Variants in ADCY8 observed in about 807,000 individuals in gnomAD.
ADCY8 encodes adenylate cyclase 8, also known as adenylate cyclase type 8.
In ADCY8, 51 loss-of-function variants were observed where a neutral mutation model predicts 119.7. The ratio of observed to expected loss-of-function variants is 0.43; its 90% CI spans 0.34 to 0.54. The LOEUF (loss-of-function observed/expected upper bound fraction) is 0.54. Among genes scored for constraint, ADCY8 ranks in the 20% least tolerant of loss-of-function variants. ADCY8 has a pLI of 0.03. For synonymous variants in ADCY8, 665 were observed against 651.0 expected, an observed-to-expected ratio of 1.02 and a Z score of -0.33; for missense variants, 1,383 against 1,598.8, an observed-to-expected ratio of 0.87 and a Z score of 2.30.
intron 17 of ADCY8, among the ~76,000 whole-genome samples, chr8:130,783,402 T>C (rs918806505): frequency 2.0e-5 from 3 of 152,236 alleles, no homozygotes; most frequent in Middle Eastern, 3.2e-3. Flanking sequence ...CGACCTTGCA[T>C]GGGCAGGCAA....
chr8:131,010,319 A>G (rs952757846), intron 1 of ADCY8, among the ~76,000 whole-genome samples: 8 of 152,240 alleles, frequency 5.3e-5, no homozygotes, highest in African/African-American at 1.9e-4. Context: ...GATCATGTGC[A>G]TAATAAAATC....
intron 8 of ADCY8, among the ~76,000 whole-genome samples, chr8:130,881,157 C>T (rs983256083): frequency 1.3e-5 from 2 of 152,132 alleles, no homozygotes; most frequent in Non-Finnish European, 2.9e-5. Context: ...TCTTAGAGTT[C>T]ACAAAAAATA....
chr8:130,849,792 A>T lies in ADCY8; in HGVS notation c.2222T>A (p.Met741Lys). 6.2e-7 allele frequency: 1 copy of T among 1,612,700 alleles called. No individual in the cohort carries two copies. Among genetic ancestry groups the T allele is most frequent in the Non-Finnish European group, 8.5e-7 (1 of 1,179,366 alleles). The change falls in exon 10 of 18, where the codon ATG (methionine) becomes AAG (lysine). Residue 741 changes from methionine (M) to lysine (K), a missense_variant. Met to Lys is a moderately conservative substitution (Grantham distance 95). This residue lies in a region of ADCY8 where 928 missense variants were observed against 1,163.5 expected (regional missense o/e 0.80). Transcript: ENST00000286355. ...SLLPSSRVMPMTIQFSILIML... is the reference protein window; with the variant it reads ...SLLPSSRVMPKTIQFSILIML... ...AATCAGAATGGAGAACTGGATGGTC[A>T]TTGGCATCACTCTGCAGGGAAACAC...
At chr8:130,951,779 A>G in intron 3 of ADCY8, 89 bp downstream of exon 3, 1 of 1,519,010 alleles carries the variant, frequency 6.6e-7, no homozygotes. Context: ...GCTGACATTC[A>G]AGCAGACGGA....
At chr8:130,860,355 G>A (rs1392530814) in intron 9 of ADCY8, among the ~76,000 whole-genome samples, 1 of 152,122 alleles carries the variant, frequency 6.6e-6, no homozygotes, top group Non-Finnish European at 1.5e-5. Flanking sequence ...TGTGGTTTGT[G>A]TTTTCATTCT....
At chr8:130,871,977 CAT>C (rs1818377799) in intron 8 of ADCY8, among the ~76,000 whole-genome samples, 1 of 151,992 alleles carries the variant, frequency 6.6e-6, no homozygotes, top group African/African-American at 2.4e-5. Context: ...CACACACACA[CAT>C]ATGTATATAG....
At chr8:130,999,035 A>G (rs1202405992) in intron 1 of ADCY8, among the ~76,000 whole-genome samples, 1 of 152,142 alleles carries the variant, frequency 6.6e-6, no homozygotes, top group Non-Finnish European at 1.5e-5. Context: ...ATGATCACGT[A>G]TAACCCTGAA....
chr8:131,016,139 G>A (rs1273554078), intron 1 of ADCY8, among the ~76,000 whole-genome samples: 1 of 152,060 alleles, frequency 6.6e-6, no homozygotes, highest in Non-Finnish European at 1.5e-5. Flanking sequence ...AGTGATAGAA[G>A]GTAAAAAGTA....
rs1821465932 is a variant in ADCY8, at chr8:130,957,495, C to T, written c.1111-5497G>A. Among the ~76,000 whole-genome samples the T allele has an allele frequency of 2.0e-5, 3 of 152,136 alleles. No homozygotes were observed. The South Asian group carries it at 6.2e-4, about 32-fold the overall frequency. On this transcript the variant is annotated intron_variant, in intron 2 of 17. Transcript: ENST00000286355. ...TGACGATGTGATAGAAAAGAAAAAA[C>T]AATTTTCTGAGGAGAAATTCAAGCT...
At chr8:130,992,796 G>A (rs1220470847) in intron 1 of ADCY8, among the ~76,000 whole-genome samples, 4 of 149,704 alleles carry the variant, frequency 2.7e-5, no homozygotes, top group Non-Finnish European at 5.9e-5. Context: ...ACATATAATT[G>A]GATTCTCAGA....
At chr8:130,855,355 A>G (rs112425947) in intron 9 of ADCY8, among the ~76,000 whole-genome samples, 2,108 of 152,222 alleles carry the variant, frequency 0.014, 62 homozygotes, top group African/African-American at 0.046. Flanking sequence ...TGGGCTACCC[A>G]ATTCCCACAG....
chr8:130,995,474 T>C (rs900782116), intron 1 of ADCY8, among the ~76,000 whole-genome samples: 5 of 152,164 alleles, frequency 3.3e-5, no homozygotes, highest in Non-Finnish European at 2.9e-5. Flanking sequence ...ATTGTTAAAA[T>C]AGTAAAATGA....
chr8:131,021,911 T>G (rs1174574498), intron 1 of ADCY8, among the ~76,000 whole-genome samples: 1 of 152,174 alleles, frequency 6.6e-6, no homozygotes, highest in African/African-American at 2.4e-5. Flanking sequence ...CTCAAATGGC[T>G]TATCATTTTC....
chr8:130,800,195 C>A (rs2130110263), intron 15 of ADCY8, among the ~76,000 whole-genome samples: 1 of 152,258 alleles, frequency 6.6e-6, no homozygotes, highest in Admixed American at 6.5e-5. Context: ...GGTTATGTTA[C>A]TTAGCCTCCC....
intron 5 of ADCY8, among the ~76,000 whole-genome samples, chr8:130,911,313 C>T (rs1230153670): frequency 1.3e-5 from 2 of 152,126 alleles, no homozygotes; most frequent in East Asian, 1.9e-4. Context: ...TAGAGCTGCA[C>T]ATTTACTAAT....
intron 2 of ADCY8, among the ~76,000 whole-genome samples, chr8:130,966,384 G>A (rs1821762318): frequency 6.6e-6 from 1 of 152,144 alleles, no homozygotes; most frequent in Non-Finnish European, 1.5e-5. Context: ...AGGGCCATGA[G>A]AATAAGCATA....
chr8:130,814,351 T>C, intron 13 of ADCY8, 124 bp from the exon 14 acceptor site: 1 of 1,044,668 alleles, frequency 9.6e-7, no homozygotes. Context: ...CAGAGCCTGA[T>C]CTGAATATTT....
At position 130,873,001 on chromosome 8, in the gene ADCY8, A is replaced by T. The variant is rs910326491; in HGVS notation, c.2110-5055T>A. Among the ~76,000 whole-genome samples, 6 of 152,348 alleles carry T rather than the reference A, an allele frequency of 3.9e-5. No individual in the cohort carries two copies. The South Asian group carries it at 6.2e-4, about 16-fold the overall frequency. On this transcript the variant is annotated intron_variant, in intron 8 of 17. Coordinates refer to ENST00000286355, the MANE Select transcript of ADCY8 (RefSeq NM_001115.3). ...GGGTCAATGGGTTTTTAGATCCACC[A>T]CAAAGAAGCTGAGAAACCCCAGTCT... is the stretch of plus-strand genomic sequence containing the variant.
At chr8:130,875,789 G>A (rs1818539398) in intron 8 of ADCY8, among the ~76,000 whole-genome samples, 1 of 152,128 alleles carries the variant, frequency 6.6e-6, no homozygotes, top group Admixed American at 6.5e-5. Context: ...AAAACTGAGA[G>A]ACATTCTGGA....
Sources: allele counts gnomAD v4.1 joint callset (sites outside exome capture counted in the v4.1 genomes callset), GRCh38; gene constraint gnomAD v4.1.1; regional missense constraint gnomAD v4.1.1; transcripts MANE v1.5; gene names NCBI Gene and HGNC (gene_info 2026-07-23, HGNC 2026-07-21).